LARGE1: variants seen among roughly 807,000 people sequenced by gnomAD.
The protein encoded by LARGE1 is LARGE xylosyl- and glucuronyltransferase 1.
Under a neutral mutation model 87.6 loss-of-function variants are expected in LARGE1, and 43 were observed. The observed-to-expected ratio is 0.49, with a 90% CI of 0.38 to 0.63. The LOEUF (loss-of-function observed/expected upper bound fraction) is 0.63. Among genes scored for constraint, LARGE1 ranks in the 30% least tolerant of loss-of-function variants. The pLI, the probability that LARGE1 is intolerant of heterozygous loss-of-function variation, is 0.00. For missense variants in LARGE1, 802 were observed against 1,000.2 expected, an observed-to-expected ratio of 0.80 and a Z score of 2.67; for synonymous variants, 434 against 394.6, an observed-to-expected ratio of 1.10 and a Z score of -1.18.
At chr22:33,162,549 CT>C (rs1209819560) in exon 12 of LARGE1, 4 of 152,168 alleles carry the variant, frequency 2.6e-5, no homozygotes, top group African/African-American at 9.7e-5. Context: ...TTCCCTATGA[CT>C]TTTCTTTCTC....
At chr22:33,701,033 G>A (rs140687538) in intron 2 of LARGE1, among the ~76,000 whole-genome samples, 130 of 152,234 alleles carry the variant, frequency 8.5e-4, no homozygotes, top group African/African-American at 2.9e-3. Flanking sequence ...GTTAAAATGC[G>A]GGCTCTGATT....
intron 2 of LARGE1, among the ~76,000 whole-genome samples, chr22:33,688,541 G>A (rs1200893739): frequency 6.6e-6 from 1 of 152,058 alleles, no homozygotes. Context: ...AGTAGAGATG[G>A]GGTTTCTCCA....
chr22:33,800,976 G>A (rs1301436176), intron 1 of LARGE1, among the ~76,000 whole-genome samples: 1 of 152,142 alleles, frequency 6.6e-6, no homozygotes, highest in East Asian at 1.9e-4. Flanking sequence ...TTATCTCCCA[G>A]AATTCCCATG....
chr22:33,780,437 T>C (rs1278605778), intron 1 of LARGE1, among the ~76,000 whole-genome samples: 1 of 151,904 alleles, frequency 6.6e-6, no homozygotes, highest in Non-Finnish European at 1.5e-5. Flanking sequence ...GCAGCCCCTG[T>C]CGAAGAGCAG....
At chr22:33,573,218 C>T (rs574325211) in intron 5 of LARGE1, among the ~76,000 whole-genome samples, 1 of 152,138 alleles carries the variant, frequency 6.6e-6, no homozygotes, top group Admixed American at 6.5e-5. Context: ...GCGGATGGAC[C>T]ACCTGAGGTC....
In LARGE1 at chr22:33,728,655, C is replaced by T. The variant is rs545802497; in HGVS notation, c.106+32716G>A. On this transcript the variant is annotated intron_variant, in intron 2 of 14. Transcript: ENST00000397394. ...GGAAGTTGTCCCTGACACTCCAGGA[C>T]AGACACACTCCCAGTAGGCAATGCC... 1.3e-4 allele frequency among the ~76,000 whole-genome samples: 20 copies of T among 150,630 alleles called. No homozygotes were observed. The East Asian group carries it at 3.9e-3, about 30-fold the overall frequency.
chr22:33,546,396 T>TTTC (rs2077361313), intron 6 of LARGE1, among the ~76,000 whole-genome samples: 2 of 149,628 alleles, frequency 1.3e-5, no homozygotes, highest in South Asian at 4.3e-4. Flanking sequence ...CAAGGACCGA[T>TTTC]TTCTCTTAGG....
Position 33,741,629 on chromosome 22 carries a change from A to G in LARGE1, c.106+19742T>C, listed in dbSNP as rs140315521. On this transcript the variant is annotated intron_variant, in intron 2 of 14. Transcript: ENST00000397394. ...AGAAGAGCAGGCTTCTGGCAGCACC[A>G]ACACAGCCTGCAAATACCCATGACC... Among the ~76,000 whole-genome samples the G allele has an allele frequency of 6.7e-3, 1,013 of 152,326 alleles. 7 individuals carry two copies. The highest frequency in any genetic ancestry group is 0.017 in the Middle Eastern group (5 of 294).
chr22:33,477,793 G>C (rs1236128587), intron 6 of LARGE1, among the ~76,000 whole-genome samples: 1 of 152,110 alleles, frequency 6.6e-6, no homozygotes, highest in South Asian at 2.1e-4. Context: ...TCAGTCTTTC[G>C]ATGTCCTGCA....
At chr22:33,183,409 G>A (rs547606511) in intron 11 of LARGE1, among the ~76,000 whole-genome samples, 20 of 152,178 alleles carry the variant, frequency 1.3e-4, no homozygotes, top group Admixed American at 1.0e-3. Flanking sequence ...TTTATGGAAA[G>A]CAACATGGAA....
At chr22:33,697,730 G>A (rs1176325249) in intron 2 of LARGE1, among the ~76,000 whole-genome samples, 1 of 152,078 alleles carries the variant, frequency 6.6e-6, no homozygotes, top group African/African-American at 2.4e-5. Context: ...TCTCAACAAT[G>A]TTCTTCAAAG....
chr22:33,460,690 T>C (rs978982202), intron 6 of LARGE1, among the ~76,000 whole-genome samples: 17 of 152,100 alleles, frequency 1.1e-4, no homozygotes, highest in African/African-American at 4.1e-4. Context: ...TTGGTTTTAA[T>C]GGGGCAAACA....
chr22:33,791,274 G>C (rs1390765958), intron 1 of LARGE1, among the ~76,000 whole-genome samples: 1 of 152,004 alleles, frequency 6.6e-6, no homozygotes, highest in Non-Finnish European at 1.5e-5. Context: ...CTTATGGCTG[G>C]CCAAAAAAAT....
At chr22:33,785,946 G>T (rs2085627119) in intron 1 of LARGE1, among the ~76,000 whole-genome samples, 1 of 152,100 alleles carries the variant, frequency 6.6e-6, no homozygotes, top group Non-Finnish European at 1.5e-5. Context: ...GGGCAGGGTG[G>T]TAAAAAAATA....
At chr22:33,881,108 C>T (rs1409798434) in intron 1 of LARGE1, among the ~76,000 whole-genome samples, 3 of 151,956 alleles carry the variant, frequency 2.0e-5, no homozygotes, top group South Asian at 2.1e-4. Flanking sequence ...TAGGCCAAAA[C>T]GCGACGACAT....
intron 5 of LARGE1, among the ~76,000 whole-genome samples, chr22:33,566,907 A>AG (rs1483155307): frequency 6.6e-6 from 1 of 152,184 alleles, no homozygotes; most frequent in Non-Finnish European, 1.5e-5. Context: ...CATTTGACCC[A>AG]GGAAGTCCAG....
intron 11 of LARGE1, among the ~76,000 whole-genome samples, chr22:33,167,377 T>C (rs541897995): frequency 2.0e-5 from 3 of 152,344 alleles, no homozygotes; most frequent in African/African-American, 4.8e-5. Context: ...TCACATGAAG[T>C]TGTGAATACA....
intron 3 of LARGE1, among the ~76,000 whole-genome samples, chr22:33,649,312 A>C (rs1408797181): frequency 1.3e-5 from 2 of 152,180 alleles, no homozygotes. Context: ...TATTACTAAT[A>C]ATCCCATTCA....
chr22:33,116,816 T>C, the LARGE1 span, among the ~76,000 whole-genome samples: 1 of 152,206 alleles, frequency 6.6e-6, no homozygotes, highest in Non-Finnish European at 1.5e-5. Context: ...TGGGGATTCC[T>C]ATGTAAGTCA....
Sources: allele counts gnomAD v4.1 joint callset (sites outside exome capture counted in the v4.1 genomes callset), GRCh38; gene constraint gnomAD v4.1.1; transcripts MANE v1.5; gene names NCBI Gene and HGNC (gene_info 2026-07-23, HGNC 2026-07-21).